CNTNAP2: variants seen among roughly 807,000 people sequenced by gnomAD.
The protein encoded by CNTNAP2 is contactin associated protein 2.
A neutral mutation model predicts 155.2 loss-of-function variants in CNTNAP2; 98 were observed. The observed-to-expected ratio is 0.63, with a 90% CI of 0.54 to 0.75. CNTNAP2 has a LOEUF of 0.75. CNTNAP2 is among the 30% of genes least tolerant of loss of function. CNTNAP2 has a pLI of 0.00. For synonymous variants in CNTNAP2, 651 were observed against 631.2 expected (o/e 1.03, Z -0.47); for missense variants, 1,727 against 1,688.1 (o/e 1.02, Z -0.40).
intron 9 of CNTNAP2, among the ~76,000 whole-genome samples, chr7:147,316,301 C>T (rs982929392): frequency 3.3e-5 from 5 of 151,958 alleles, no homozygotes; most frequent in African/African-American, 1.2e-4. Flanking sequence ...TATTATCAGA[C>T]ATTTGTTGCA....
chr7:147,513,066 T>C (rs1799049892), intron 11 of CNTNAP2, among the ~76,000 whole-genome samples: 1 of 152,284 alleles, frequency 6.6e-6, no homozygotes, highest in Non-Finnish European at 1.5e-5. Flanking sequence ...AGTGATATTT[T>C]CCAAGTAATA....
At chr7:147,764,787 T>C (rs1176951719) in intron 13 of CNTNAP2, among the ~76,000 whole-genome samples, 3 of 144,398 alleles carry the variant, frequency 2.1e-5, no homozygotes, top group African/African-American at 7.4e-5. Flanking sequence ...ACTAAGTTAA[T>C]TTTTTTAAAA....
chr7:148,301,120 C>T (rs917888346), intron 21 of CNTNAP2, among the ~76,000 whole-genome samples: 32 of 151,634 alleles, frequency 2.1e-4, no homozygotes, highest in African/African-American at 5.6e-4. Context: ...ATGGTGAAAC[C>T]GCGTCTGTAC....
chr7:147,131,770 A>C (rs550835595), intron 7 of CNTNAP2, among the ~76,000 whole-genome samples: 176 of 152,208 alleles, frequency 1.2e-3, no homozygotes, highest in African/African-American at 4.1e-3. Context: ...TCAGTTTCAT[A>C]AATTGCAAAC....
chr7:148,372,757 C>T (rs968465025), intron 21 of CNTNAP2, among the ~76,000 whole-genome samples: 4 of 152,084 alleles, frequency 2.6e-5, no homozygotes, highest in African/African-American at 7.2e-5. Flanking sequence ...CATACTGTAC[C>T]TTTTCTAACT....
intron 1 of CNTNAP2, among the ~76,000 whole-genome samples, chr7:146,211,592 T>C (rs1799036646): frequency 6.6e-6 from 1 of 152,134 alleles, no homozygotes; most frequent in Non-Finnish European, 1.5e-5. Context: ...TTTGTAATAA[T>C]TTTTACAGAA....
intron 21 of CNTNAP2, among the ~76,000 whole-genome samples, chr7:148,297,829 C>A (rs1405464151): frequency 1.3e-5 from 2 of 151,998 alleles, no homozygotes; most frequent in East Asian, 3.9e-4. Flanking sequence ...CTCTTCTTTG[C>A]CTTTCCCCAT....
intron 15 of CNTNAP2, among the ~76,000 whole-genome samples, chr7:148,094,098 A>AGG (rs1803910480): frequency 6.6e-6 from 1 of 152,200 alleles, no homozygotes; most frequent in Non-Finnish European, 1.5e-5. Context: ...GCAGTGGAGA[A>AGG]AGGGAGTAAG....
At chr7:146,517,962 A>G (rs1797565233) in intron 1 of CNTNAP2, among the ~76,000 whole-genome samples, 1 of 151,940 alleles carries the variant, frequency 6.6e-6, no homozygotes, top group South Asian at 2.1e-4. Context: ...TCTGAGATCT[A>G]CTATTAAGAT....
chr7:146,938,709 G>T (rs796489931), intron 3 of CNTNAP2, among the ~76,000 whole-genome samples: 11 of 151,980 alleles, frequency 7.2e-5, no homozygotes, highest in African/African-American at 2.7e-4. Context: ...GAAATGTCTT[G>T]CTAATCTTAT....
At chr7:146,851,648 TTCTGTGTGTG>T (rs1794879738) in intron 3 of CNTNAP2, among the ~76,000 whole-genome samples, 1 of 133,912 alleles carries the variant, frequency 7.5e-6, no homozygotes, top group African/African-American at 2.9e-5. Context: ...ATCATCTTTC[TTCTGTGTGTG>T]TGTGTGTGTG....
intron 21 of CNTNAP2, among the ~76,000 whole-genome samples, chr7:148,369,109 A>G (rs1230458224): frequency 6.6e-6 from 1 of 150,778 alleles, no homozygotes; most frequent in Non-Finnish European, 1.5e-5. Flanking sequence ...CATCTAATAC[A>G]TGGTAATAAC....
At chr7:146,344,980 A>G (rs1019550875) in intron 1 of CNTNAP2, among the ~76,000 whole-genome samples, 1 of 152,204 alleles carries the variant, frequency 6.6e-6, no homozygotes, top group African/African-American at 2.4e-5. Context: ...AATAATATGA[A>G]ATGTTAGAAT....
At chr7:146,846,863 A>T (rs1458320452) in intron 3 of CNTNAP2, among the ~76,000 whole-genome samples, 1 of 152,194 alleles carries the variant, frequency 6.6e-6, no homozygotes, top group Non-Finnish European at 1.5e-5. Context: ...AGTTCTTCAC[A>T]GTATAATGTA....
intron 1 of CNTNAP2, among the ~76,000 whole-genome samples, chr7:146,579,723 A>G (rs1417707275): frequency 2.0e-5 from 3 of 152,128 alleles, no homozygotes; most frequent in African/African-American, 7.2e-5. Flanking sequence ...CCACCCCCTC[A>G]CATGAATCTA....
At chr7:146,217,208 A>G (rs1208935692) in intron 1 of CNTNAP2, among the ~76,000 whole-genome samples, 1 of 152,206 alleles carries the variant, frequency 6.6e-6, no homozygotes, top group Non-Finnish European at 1.5e-5. Flanking sequence ...AATGTTAGTT[A>G]TAGAATAAGA....
At chr7:146,587,875 T>A (rs1798718745) in intron 1 of CNTNAP2, among the ~76,000 whole-genome samples, 1 of 152,000 alleles carries the variant, frequency 6.6e-6, no homozygotes, top group Non-Finnish European at 1.5e-5. Flanking sequence ...GGTTTCACCA[T>A]GTTGGCCAGG....
chr7:146,636,135 G>A (rs555784317), intron 1 of CNTNAP2, among the ~76,000 whole-genome samples: 1 of 149,208 alleles, frequency 6.7e-6, no homozygotes, highest in Non-Finnish European at 1.5e-5. Context: ...TGAATTCCAG[G>A]ACACAAAAGT....
At position 148,413,432 on chromosome 7, in the gene CNTNAP2, A is replaced by G. The variant is rs1250722670; in HGVS notation, c.3797-1985A>G. Among the ~76,000 whole-genome samples, 2 of 102,244 alleles carry G rather than the reference A, an allele frequency of 2.0e-5. 1 individual carries two copies. The highest frequency in any genetic ancestry group is 2.1e-4 in the Admixed American group (2 of 9,728). 67.1% of individuals were successfully genotyped at this position (102,244 alleles called of 152,430 possible). A position where few individuals can be genotyped will look rare whatever the true frequency, so the allele number is the denominator to read the frequency against. ...TATATATATATATATATATATATAT[A>G]TATATATATATATATTGCTCCATAG... On this transcript the variant is annotated intron_variant, in intron 23 of 23. Coordinates refer to ENST00000361727, the MANE Select transcript of CNTNAP2 (RefSeq NM_014141.6).
Sources: gnomAD v4.1 joint callset for allele counts (sites outside exome capture counted in the v4.1 genomes callset) on GRCh38, gnomAD v4.1.1 for gene constraint, MANE v1.5 for transcripts, NCBI Gene and HGNC (gene_info 2026-07-23, HGNC 2026-07-21) for gene names.